The following FRMPD3 variants were observed in gnomAD, a reference collection of about 807,000 sequenced individuals.
FRMPD3 encodes FERM and PDZ domain containing 3, also known as FERM and PDZ domain-containing protein 3.
In FRMPD3, 42 loss-of-function variants were observed where a neutral mutation model predicts 97.9. That is an observed-to-expected ratio of 0.43 (90% CI 0.34 to 0.55). The LOEUF (loss-of-function observed/expected upper bound fraction) is 0.55. FRMPD3 is among the 20% of genes least tolerant of loss of function. The probability of loss-of-function intolerance (pLI) is 0.03; values close to 1 mark genes in which losing one functional copy is unlikely to be tolerated. For missense variants in FRMPD3, 1,303 were observed against 1,457.7 expected, an observed-to-expected ratio of 0.89 and a Z score of 1.73; for synonymous variants, 577 against 581.1, an observed-to-expected ratio of 0.99 and a Z score of 0.10.
chrX:107,489,911 C>T (rs975339167), intron 1 of FRMPD3, among the ~76,000 whole-genome samples: 75 of 111,561 alleles, frequency 6.7e-4, no homozygotes, highest in Non-Finnish European at 1.2e-3. Flanking sequence ...AAGTCCTTGC[C>T]CATGCCTATA....
At chrX:107,569,294 CAAAAAAAAAAA>C (rs752263727) in intron 12 of FRMPD3, among the ~76,000 whole-genome samples, 2 of 21,256 alleles carry the variant, frequency 9.4e-5, no homozygotes, top group African/African-American at 1.2e-4. Context: ...GACTCCATCT[CAAAAAAAAAAA>C]AAAAAAAAAA....
intron 4 of FRMPD3, among the ~76,000 whole-genome samples, chrX:107,538,579 C>G (rs1436488179): frequency 1.0e-5 from 1 of 98,062 alleles, no homozygotes; most frequent in Non-Finnish European, 2.0e-5. Flanking sequence ...CTGGACCAGA[C>G]AATCTGCAAG....
chrX:107,465,358 C>A (rs1034570622), intron 1 of FRMPD3, among the ~76,000 whole-genome samples: 1 of 110,892 alleles, frequency 9.0e-6, no homozygotes. Flanking sequence ...GTAATCCCGG[C>A]TACTCAGGAG....
intron 1 of FRMPD3, among the ~76,000 whole-genome samples, chrX:107,506,811 C>G (rs1922040889): frequency 9.0e-6 from 1 of 111,707 alleles, no homozygotes; most frequent in Non-Finnish European, 1.9e-5. Flanking sequence ...CTGAGCCAGT[C>G]GCCTCCTTCT....
In FRMPD3 at chrX:107,597,986, G is replaced by A. The variant is rs1044675326; in HGVS notation, c.2107G>A (p.Asp703Asn). 4 of 1,210,715 alleles carry A rather than the reference G, an allele frequency of 3.3e-6. No homozygotes were observed. The highest frequency in any genetic ancestry group is 4.5e-6 in the Non-Finnish European group (4 of 895,426). The change falls in exon 14 of 15, where the codon GAT becomes AAT. Residue 703 changes from aspartate (D) to asparagine (N), a missense_variant. Physicochemically the swap from Asp to Asn is conservative, Grantham distance 23. Transcript: ENST00000683843. ...ACGCCACCTGCGTGGGCTTCTGTAC[G>A]ATGAGATTCCAGTGACATTGATTGA... ...QGRHLRGLLY[D>N]EIPVTLIDSV...
chrX:107,495,335 T>C (rs920279703), intron 1 of FRMPD3, among the ~76,000 whole-genome samples: 3 of 112,073 alleles, frequency 2.7e-5, no homozygotes, highest in South Asian at 3.8e-4. Context: ...CTGTACCCTC[T>C]TTCCTTGCTG....
chrX:107,512,866 T>C (rs1922202779), intron 1 of FRMPD3: 1 of 112,759 alleles, frequency 8.9e-6, no homozygotes. Context: ...TGGCAGCAGC[T>C]TCAGACCTTG....
chrX:107,493,384 C>T (rs190348464), intron 1 of FRMPD3, among the ~76,000 whole-genome samples: 267 of 110,811 alleles, frequency 2.4e-3, no homozygotes, highest in African/African-American at 8.4e-3. Flanking sequence ...TCTGTGCTTC[C>T]TGGTCTGTTC....
intron 1 of FRMPD3, among the ~76,000 whole-genome samples, chrX:107,456,899 C>T (rs188194594): frequency 9.5e-4 from 106 of 111,894 alleles, no homozygotes; most frequent in African/African-American, 3.3e-3. Flanking sequence ...CTTTTTTTCT[C>T]GCTTTGGCAT....
intron 3 of FRMPD3, among the ~76,000 whole-genome samples, 173 bp downstream of exon 3, chrX:107,530,684 A>G (rs757946515): frequency 1.7e-4 from 19 of 110,954 alleles, no homozygotes; most frequent in Non-Finnish European, 3.4e-4. Context: ...ATTCAGGGTC[A>G]GCAGGAGCCT....
rs1250424424 is a variant in FRMPD3, at chrX:107,591,161, C to CT, written c.1442-6147dup. ...TATTTCTTTCTTTCTTTCTTTCTTT[C>CT]TTTTTTTTTTTTTGAGATGGCGTTT... On this transcript the variant is annotated intron_variant, in intron 13 of 14. Coordinates refer to ENST00000683843, the MANE Select transcript of FRMPD3 (RefSeq NM_001388459.1). Among the ~76,000 whole-genome samples the CT allele has an allele frequency of 2.4e-3, 238 of 100,822 alleles. 1 individual carries two copies. Among genetic ancestry groups the CT allele is most frequent in the Middle Eastern group, 4.9e-3 (1 of 205 alleles). 87.6% of individuals were successfully genotyped at this position (100,822 alleles called of 115,157 possible).
At chrX:107,516,580 AGATG>A in intron 1 of FRMPD3, among the ~76,000 whole-genome samples, 1 of 111,848 alleles carries the variant, frequency 8.9e-6, no homozygotes, top group East Asian at 2.8e-4. Context: ...AACTGGTGTG[AGATG>A]GTATCTCACT....
intron 2 of FRMPD3, 107 bp from the exon 3 acceptor site, chrX:107,530,302 A>C: frequency 1.8e-6 from 1 of 557,479 alleles, no homozygotes; most frequent in South Asian, 2.8e-5. Context: ...CACCATCTCC[A>C]GGCCTCAGCA....
At chrX:107,480,900 GAAAGAAAGAAAGAAAGAAA>G (rs1569410745) in intron 1 of FRMPD3, among the ~76,000 whole-genome samples, 36 of 51,370 alleles carry the variant, frequency 7.0e-4, no homozygotes, top group African/African-American at 2.4e-3. Context: ...AGGAAGGAAA[GAAAGAAAGAAAGAAAGAAA>G]GAAAGAAAGA....
chrX:107,567,087 A>T (rs1395473581), intron 12 of FRMPD3, among the ~76,000 whole-genome samples: 1 of 112,071 alleles, frequency 8.9e-6, no homozygotes, highest in Non-Finnish European at 1.9e-5. Context: ...AACCTCTCTG[A>T]ATCCCGATTC....
At chrX:107,531,905 G>A (rs1162559317) in intron 3 of FRMPD3, among the ~76,000 whole-genome samples, 1 of 111,706 alleles carries the variant, frequency 9.0e-6, no homozygotes, top group East Asian at 2.8e-4. Flanking sequence ...TTAAAGCAGA[G>A]CACACTCTTG....
At position 107,600,978 on chromosome X, in the gene FRMPD3, C is replaced by G. The variant is rs772875293; in HGVS notation, c.2939C>G (p.Pro980Arg). 6.6e-6 allele frequency: 8 copies of G among 1,206,439 alleles called. No individual in the cohort carries two copies. In the African/African-American group the frequency reaches 8.7e-5, roughly 13 times the overall value. ...VTAGGALGNPPSRGERRLEAS... is the reference protein window; with the variant it reads ...VTAGGALGNPRSRGERRLEAS... The stretch of plus-strand genomic sequence containing the variant: ...GCTGGTGGGGCTTTGGGGAACCCCC[C>G]CAGCAGGGGTGAGAGAAGGCTGGAG... Residue 980 changes from proline (P) to arginine (R), a missense_variant, in exon 15 of 15, where the codon CCC becomes CGC. This residue lies in a region of FRMPD3 where 764 missense variants were observed against 820.2 expected (regional missense o/e 0.93). Transcript: ENST00000683843.
intron 12 of FRMPD3, among the ~76,000 whole-genome samples, chrX:107,575,986 G>A (rs760364875): frequency 1.3e-3 from 143 of 111,871 alleles, no homozygotes; most frequent in African/African-American, 4.4e-3. Context: ...CTCCCGGCTG[G>A]CCTGTGTATC....
intron 3 of FRMPD3, among the ~76,000 whole-genome samples, chrX:107,530,907 C>T (rs1032859830): frequency 9.1e-6 from 1 of 110,040 alleles, no homozygotes; most frequent in African/African-American, 3.3e-5. Flanking sequence ...GACCAACTCC[C>T]CAACTCCAGA....
Sources: allele counts gnomAD v4.1 joint callset (sites outside exome capture counted in the v4.1 genomes callset), GRCh38; gene constraint gnomAD v4.1.1; regional missense constraint gnomAD v4.1.1; transcripts MANE v1.5; gene names NCBI Gene and HGNC (gene_info 2026-07-23, HGNC 2026-07-21).